Variants in GMPR2 observed in about 807,000 individuals in gnomAD.
GMPR2 encodes the protein GMP reductase 2.
Under a neutral mutation model 38.5 loss-of-function variants are expected in GMPR2, and 32 were observed. The observed-to-expected ratio is 0.83, with a 90% CI of 0.63 to 1.12. GMPR2 has a LOEUF of 1.12. Ranked by LOEUF, GMPR2 falls within the 50% of genes most tolerant of loss-of-function variation. GMPR2 has a pLI of 0.00. For synonymous variants in GMPR2, 154 were observed against 151.0 expected (o/e 1.02, Z -0.15); for missense variants, 396 against 432.1 (o/e 0.92, Z 0.74).
rs59936425 is a variant in GMPR2, at chr14:24,235,496, A to C, written c.208-241A>C. ...GTGAATGTGCTGGCAGATGAAATCC[A>C]ACCCAGATCACTCAGTACTTTGGTG... On this transcript the variant is annotated intron_variant, in intron 3 of 9. Coordinates refer to ENST00000399440, the MANE Select transcript of GMPR2 (RefSeq NM_001002002.3). 6.7e-3 allele frequency: 3,543 copies of C among 532,642 alleles called. 107 individuals are homozygous for C. The highest frequency in any genetic ancestry group is 0.062 in the African/African-American group (3,237 of 52,066). 33.0% of individuals were successfully genotyped at this position (532,642 alleles called of 1,614,324 possible).
At chr14:24,236,275 C>T (rs1334931027) in intron 5 of GMPR2, 135 bp downstream of exon 5, 1 of 721,008 alleles carries the variant, frequency 1.4e-6, no homozygotes, top group African/African-American at 1.8e-5. Context: ...GATGATTATC[C>T]ATAGTTCTAA....
Position 24,237,367 on chromosome 14 carries a change from A to G in GMPR2, c.654+16A>G. On this transcript the variant is annotated intron_variant, in intron 7 of 9. Transcript: ENST00000399440. The stretch of plus-strand genomic sequence containing the variant: ...CATCATTTCAGTAAGGCTCAAGGGC[A>G]GGGTAGGGTATGAGCGGGGTTTCTG... The G allele has an allele frequency of 1.3e-6, 2 of 1,539,138 alleles. No individual in the cohort carries two copies. The highest frequency in any genetic ancestry group is 1.8e-6 in the Non-Finnish European group (2 of 1,111,950).
In GMPR2 at chr14:24,238,715, C is replaced by T. The variant is rs769242257; in HGVS notation, c.984C>T (p.Ser328=). The T allele has an allele frequency of 6.2e-7, 1 of 1,613,990 alleles. No individual in the cohort carries two copies. Among genetic ancestry groups the T allele is most frequent in the South Asian group, 1.1e-5 (1 of 91,066 alleles). ...YVGAAKLKEL[S]RRTTFIRVTQ... ...GAGCAGCTAAGCTCAAAGAGTTGAGCAGGAGAACTACCTTCATCCGAGTCA... is the reference window on the plus strand; with the variant it reads ...GAGCAGCTAAGCTCAAAGAGTTGAGTAGGAGAACTACCTTCATCCGAGTCA... The change falls in exon 10 of 10, where the codon AGC becomes AGT. Residue 328 remains serine, a synonymous_variant. Transcript: ENST00000399440.
chr14:24,233,795 AAGCTAAGTTCTGCTCCGATATTTC>A (rs1164197659), intron 3 of GMPR2, 197 bp downstream of exon 3: 2 of 657,042 alleles, frequency 3.0e-6, no homozygotes, highest in African/African-American at 3.6e-5. Context: ...GTGAGATTCA[AAGCTAAGTTCTGCTCCGATATTTC>A]TGATATATGA....
At chr14:24,235,145 A>T (rs2040276815) in intron 3 of GMPR2, among the ~76,000 whole-genome samples, 1 of 152,250 alleles carries the variant, frequency 6.6e-6, no homozygotes, top group Admixed American at 6.5e-5. Context: ...AATGGACTGA[A>T]TGAAACAGAT....
chr14:24,238,034 C>T, intron 8 of GMPR2: 3 of 535,186 alleles, frequency 5.6e-6, no homozygotes, highest in Non-Finnish European at 9.8e-6. Context: ...TCCAGAGGCT[C>T]TTTTTTAAAT....
rs781445465 is a variant in GMPR2, at chr14:24,236,085, A to T, written c.410A>T (p.His137Leu). The T allele has an allele frequency of 9.3e-6, 15 of 1,614,104 alleles. 1 individual carries two copies. Among genetic ancestry groups the T allele is most frequent in the Middle Eastern group, 3.3e-4 (2 of 6,062 alleles). Reference protein sequence around the residue: ...CLDVANGYSEHFVEFVKDVRK... With the variant: ...CLDVANGYSELFVEFVKDVRK... ...GATGTGGCAAATGGCTACTCTGAAC[A>T]CTTTGTTGAATTTGTAAAAGATGTA... The change falls in exon 5 of 10, where the codon CAC (histidine) becomes CTC (leucine). Residue 137 changes from histidine to leucine, a missense_variant. Coordinates refer to ENST00000399440, the MANE Select transcript of GMPR2 (RefSeq NM_001002002.3).
In GMPR2 at chr14:24,238,158, T is replaced by G. The variant is rs1408735350; in HGVS notation, c.698-88T>G. 18 of 1,185,358 alleles carry G rather than the reference T, an allele frequency of 1.5e-5. No individual in the cohort carries two copies. In the East Asian group the frequency reaches 3.0e-4, roughly 20 times the overall value. The allele number at this position is 1,185,358 out of a possible 1,614,324, so 73.4% of individuals were successfully genotyped here. ...AAGACGCTGGAATCATTGTCAGGAC[T>G]GAGAATATGGTGTGAGTTGCTTTTG... On this transcript the variant is annotated intron_variant, in intron 8 of 9. Transcript: ENST00000399440.
At position 24,235,721 on chromosome 14, in the gene GMPR2, T is replaced by C. The variant is rs1447730870; in HGVS notation, c.208-16T>C. On this transcript the variant is annotated splice_polypyrimidine_tract_variant and intron_variant, in intron 3 of 9. Transcript: ENST00000399440. ...AAAGTTTTCTCCCTTTTGATGCTTC[T>C]TTGTCTTCTCCCCAGTTCTCTCTCT... is the stretch of plus-strand genomic sequence containing the variant. 1 of 1,577,652 alleles carries C rather than the reference T, an allele frequency of 6.3e-7. No homozygotes were observed. The highest frequency in any genetic ancestry group is 2.2e-5 in the East Asian group (1 of 44,716).
chr14:24,234,788 T>C (rs2040256834), intron 3 of GMPR2, among the ~76,000 whole-genome samples: 1 of 152,246 alleles, frequency 6.6e-6, no homozygotes, highest in South Asian at 2.1e-4. Context: ...TGACTTCCTA[T>C]CCTATGGTGA....
chr14:24,237,083 G>C lies in GMPR2; in HGVS notation c.478G>C (p.Val160Leu). The C allele has an allele frequency of 6.2e-7, 1 of 1,612,630 alleles. No homozygotes were observed. Among genetic ancestry groups the C allele is most frequent in the Non-Finnish European group, 8.5e-7 (1 of 1,178,626 alleles). The change falls in exon 6 of 10, where the codon GTA becomes CTA. Residue 160 changes from valine (V) to leucine (L), a missense_variant. Physicochemically the swap from Val to Leu is conservative, Grantham distance 32. Transcript: ENST00000399440. ...PQHTIMAGNV[V>L]TGEMVEELIL... is the part of the protein sequence containing the mutation. ...TGCTCTGTCTCAGGCAGGGAATGTG[G>C]TAACAGGAGAGATGGTAGAAGAGCT... is the stretch of plus-strand genomic sequence containing the variant.
chr14:24,233,185 G>A, intron 1 of GMPR2, 34 bp from the exon 2 acceptor site: 1 of 1,612,452 alleles, frequency 6.2e-7, no homozygotes, highest in Non-Finnish European at 8.5e-7. Context: ...AAAGCCCAGG[G>A]GAAGATTGGT....
Position 24,238,638 on chromosome 14 carries a change from C to G in GMPR2, c.907C>G (p.His303Asp). The change falls in exon 10 of 10, where the codon CAT becomes GAT. Residue 303 changes from histidine (H) to aspartate (D), a missense_variant. Physicochemically the swap from His to Asp is moderately conservative, Grantham distance 81 (BLOSUM62 -1). Transcript: ENST00000399440. Reference protein sequence around the residue: ...VEVPFKGDVEHTIRDILGGIR... With the variant: ...VEVPFKGDVEDTIRDILGGIR... ...AGTTCCTTTTAAAGGAGATGTGGAA[C>G]ATACCATCCGAGACATCCTAGGAGG... is the stretch of plus-strand genomic sequence containing the variant. 6.2e-7 allele frequency: 1 copy of G among 1,614,136 alleles called. No homozygotes were observed.
rs753785422 is a variant in GMPR2, at chr14:24,233,590, C to G, written c.199C>G (p.Leu67Val). Residue 67 changes from leucine (L) to valine (V), a missense_variant, in exon 3 of 10, where the codon CTC (leucine) becomes GTC (valine). Physicochemically the swap from Leu to Val is conservative, Grantham distance 32 (BLOSUM62 1). Transcript: ENST00000399440. ...GGGCACCTTTGAGATGGCCAAGGTTCTCTGTAAGGTAGGGCTTTCCTCATG... is the reference window on the plus strand; with the variant it reads ...GGGCACCTTTGAGATGGCCAAGGTTGTCTGTAAGGTAGGGCTTTCCTCATG... ...TVGTFEMAKVLCKFSLFTAVH... is the reference protein window; with the variant it reads ...TVGTFEMAKVVCKFSLFTAVH... The G allele has an allele frequency of 8.7e-6, 14 of 1,614,128 alleles. No individual in the cohort carries two copies. Among genetic ancestry groups the G allele is most frequent in the Non-Finnish European group, 1.1e-5 (13 of 1,179,978 alleles).
chr14:24,237,431 G>C, intron 7 of GMPR2, 80 bp downstream of exon 7: 1 of 1,511,874 alleles, frequency 6.6e-7, no homozygotes, highest in Admixed American at 1.7e-5. Flanking sequence ...AGAATTCCTG[G>C]GTTCTTGTTG....
At chr14:24,234,571 AC>A (rs2138951870) in intron 3 of GMPR2, among the ~76,000 whole-genome samples, 1 of 152,216 alleles carries the variant, frequency 6.6e-6, no homozygotes, top group East Asian at 1.9e-4. Flanking sequence ...TAATACATGA[AC>A]CTTTTTGGGG....
At chr14:24,233,121 G>T (rs2040134566) in intron 1 of GMPR2, 98 bp from the exon 2 acceptor site, 1 of 1,548,988 alleles carries the variant, frequency 6.5e-7, no homozygotes, top group Non-Finnish European at 8.9e-7. Flanking sequence ...TTCGGCCTTT[G>T]CCCGACCTTC....
At chr14:24,238,199 G>A (rs1197566740) in intron 8 of GMPR2, 47 bp from the exon 9 acceptor site, 15 of 1,531,746 alleles carry the variant, frequency 9.8e-6, no homozygotes, top group African/African-American at 1.4e-5. Context: ...GGCCATGTGA[G>A]CACCTTGGCC....
intron 8 of GMPR2, 110 bp downstream of exon 8, chr14:24,237,672 T>TGAAAG: frequency 1.0e-6 from 1 of 976,068 alleles, no homozygotes; most frequent in Non-Finnish European, 1.6e-6. Flanking sequence ...GATTCTTTCA[T>TGAAAG]AATATGAATT....
Sources: allele counts gnomAD v4.1 joint callset (sites outside exome capture counted in the v4.1 genomes callset), GRCh38; gene constraint gnomAD v4.1.1; transcripts MANE v1.5; gene names NCBI Gene and HGNC (gene_info 2026-07-23, HGNC 2026-07-21).